AIG1: variants seen among roughly 807,000 people sequenced by gnomAD.
AIG1 encodes androgen induced 1.
In AIG1, 23 loss-of-function variants were observed where a neutral mutation model predicts 31.4. That is an observed-to-expected ratio of 0.73 (90% confidence interval 0.53 to 1.04). The LOEUF (loss-of-function observed/expected upper bound fraction) is 1.04, where lower values mean the gene tolerates loss of function less well. AIG1 is among the 50% of genes least tolerant of loss of function. The probability of loss-of-function intolerance (pLI) is 0.00; values close to 1 mark genes in which losing one functional copy is unlikely to be tolerated. For synonymous variants in AIG1, 100 were observed against 110.5 expected, an observed-to-expected ratio of 0.90 and a Z score of 0.60; for missense variants, 274 against 295.0, an observed-to-expected ratio of 0.93 and a Z score of 0.52.
chr6:143,187,373 T>A (rs777346331), intron 3 of AIG1: 1 of 1,527,260 alleles, frequency 6.5e-7, no homozygotes, highest in African/African-American at 1.4e-5. Flanking sequence ...TCTCATTTAT[T>A]TGTTTAATTT....
chr6:143,279,390 G>A lies in AIG1; in HGVS notation c.400-4720G>A, dbSNP rs961530907. ...AACCTGCGGGTCTGAGAGTGAGGAA[G>A]GACAAAATCAGAACTAGATCTCAGA... On this transcript the variant is annotated intron_variant, in intron 3 of 5. Coordinates refer to ENST00000357847, the MANE Select transcript of AIG1 (RefSeq NM_016108.4). This position sits in a 1 kb window ranked among gnomAD's most constrained non-coding sequence, Gnocchi z 5.4. Among the ~76,000 whole-genome samples the A allele has an allele frequency of 6.6e-6, 1 of 152,174 alleles. No homozygotes were observed. The highest frequency in any genetic ancestry group is 2.4e-5 in the African/African-American group (1 of 41,436).
At chr6:143,303,529 T>G (rs1340810253) in intron 4 of AIG1, among the ~76,000 whole-genome samples, 1 of 152,218 alleles carries the variant, frequency 6.6e-6, no homozygotes. Context: ...AAAGATTAGA[T>G]AGTTGTAGAT....
intron 1 of AIG1, among the ~76,000 whole-genome samples, chr6:143,079,452 T>C (rs1166634613): frequency 6.6e-6 from 1 of 152,172 alleles, no homozygotes; most frequent in Non-Finnish European, 1.5e-5. Flanking sequence ...TAGTTCCCAA[T>C]GCACCTGTCA....
At chr6:143,232,884 G>A (rs950844876) in intron 3 of AIG1, among the ~76,000 whole-genome samples, 6 of 152,162 alleles carry the variant, frequency 3.9e-5, no homozygotes, top group Non-Finnish European at 7.3e-5. Context: ...GTGGAAGGTG[G>A]TGCAAATGGA....
chr6:143,305,265 A>T (rs1799179213), intron 4 of AIG1, among the ~76,000 whole-genome samples: 1 of 152,076 alleles, frequency 6.6e-6, no homozygotes, highest in Non-Finnish European at 1.5e-5. Context: ...GCCTTCTGCT[A>T]GCTTTTGAAT....
intron 1 of AIG1, among the ~76,000 whole-genome samples, chr6:143,133,974 CT>C (rs1783499844): frequency 6.6e-6 from 1 of 151,988 alleles, no homozygotes; most frequent in African/African-American, 2.4e-5. Context: ...AGTAACTAGG[CT>C]TTTTGAGCTT....
intron 3 of AIG1, among the ~76,000 whole-genome samples, chr6:143,179,568 C>T (rs183325526): frequency 1.3e-5 from 2 of 152,132 alleles, no homozygotes; most frequent in Non-Finnish European, 1.5e-5. Context: ...ACAGGGCTTT[C>T]GTTTTTGATT....
At chr6:143,262,194 T>A (rs893619327) in intron 3 of AIG1, among the ~76,000 whole-genome samples, 8 of 152,230 alleles carry the variant, frequency 5.3e-5, no homozygotes, top group African/African-American at 1.9e-4. Context: ...AAACCACTTG[T>A]AAATTTAAAC....
intron 2 of AIG1, among the ~76,000 whole-genome samples, chr6:143,160,722 G>T (rs1786287929): frequency 6.6e-6 from 1 of 152,106 alleles, no homozygotes; most frequent in African/African-American, 2.4e-5. Flanking sequence ...GTTTGCTGAT[G>T]GCTATACTAT....
At chr6:143,245,977 A>G (rs1022100841) in intron 3 of AIG1, among the ~76,000 whole-genome samples, 1 of 152,180 alleles carries the variant, frequency 6.6e-6, no homozygotes, top group African/African-American at 2.4e-5. Context: ...TGGGCCGCAC[A>G]TAAAATACAC....
intron 1 of AIG1, among the ~76,000 whole-genome samples, chr6:143,064,066 A>G (rs1047237536): frequency 3.9e-5 from 6 of 152,236 alleles, no homozygotes; most frequent in African/African-American, 1.4e-4. Context: ...TGGAAAAAGA[A>G]CACTGTCTTG....
intron 1 of AIG1, among the ~76,000 whole-genome samples, chr6:143,098,260 A>G (rs911102092): frequency 9.2e-5 from 14 of 152,226 alleles, no homozygotes; most frequent in Non-Finnish European, 1.5e-4. Context: ...CACTGCGTCA[A>G]CACATACAGT....
At chr6:143,266,521 T>C (rs1211869566) in intron 3 of AIG1, among the ~76,000 whole-genome samples, 1 of 152,148 alleles carries the variant, frequency 6.6e-6, no homozygotes, top group Non-Finnish European at 1.5e-5. Flanking sequence ...ATGTGGGGTG[T>C]TGGATATATT....
Position 143,299,217 on chromosome 6 carries a change from G to A in AIG1, c.515+14992G>A, listed in dbSNP as rs1798655202. The A allele has an allele frequency of 6.6e-6, 1 of 152,202 alleles. No individual in the cohort carries two copies. The highest frequency in any genetic ancestry group is 1.5e-5 in the Non-Finnish European group (1 of 68,054). 9.4% of individuals were successfully genotyped at this position (152,202 alleles called of 1,614,324 possible). A position where few individuals can be genotyped will look rare whatever the true frequency, so the allele number is the denominator to read the frequency against. On this transcript the variant is annotated intron_variant, in intron 4 of 5. Coordinates refer to ENST00000357847, the MANE Select transcript of AIG1 (RefSeq NM_016108.4). This position sits in a 1 kb window ranked among gnomAD's most constrained non-coding sequence, Gnocchi z 4.1. Reference sequence around the variant, plus strand: ...GCTCCTGTTTGACATCCAGGACAGAGCAGTACCACTTCTCCTTAGCATCAT... The same window carrying A: ...GCTCCTGTTTGACATCCAGGACAGAACAGTACCACTTCTCCTTAGCATCAT...
rs1325153771 is a variant in AIG1 at position 143,340,776 on chromosome 6, A to T, written c.*1100A>T. Among the ~76,000 whole-genome samples the T allele has an allele frequency of 1.3e-5, 2 of 152,160 alleles. No homozygotes were observed. Among genetic ancestry groups the T allele is most frequent in the Non-Finnish European group, 2.9e-5 (2 of 68,030 alleles). ...CGCGCCCAGCCACAAAATTGTTTTT[A>T]AAAAAACTATTTTACAAAATCTTTG... On this transcript the variant is annotated 3_prime_UTR_variant, in exon 6 of 6. Coordinates refer to ENST00000357847, the MANE Select transcript of AIG1 (RefSeq NM_016108.4).
intron 3 of AIG1, among the ~76,000 whole-genome samples, chr6:143,249,016 G>A (rs1264029774): frequency 1.3e-5 from 2 of 152,178 alleles, no homozygotes; most frequent in Non-Finnish European, 2.9e-5. Context: ...GTTTGTAAGA[G>A]GGGCTGTTTG....
chr6:143,104,723 G>GTTC lies in AIG1; in HGVS notation c.142-32112_142-32111insTTC, dbSNP rs551232406. On this transcript the variant is annotated intron_variant, in intron 1 of 5. Transcript: ENST00000357847. ...AAGACCTGCCTGAGCAACACAGAAA[G>GTTC]CTTCATCTCTACAAAAATAAAAAAT... Among the ~76,000 whole-genome samples the GTTC allele has an allele frequency of 1.6e-3, 241 of 152,116 alleles. 1 individual carries two copies. The highest frequency in any genetic ancestry group is 2.7e-3 in the Non-Finnish European group (183 of 68,006).
Position 143,196,350 on chromosome 6 carries a change from AACACACACACACACACACACACACAC to A in AIG1, c.399+31188_399+31213del, listed in dbSNP as rs71784011. 5.9e-3 allele frequency among the ~76,000 whole-genome samples: 834 copies of A among 141,720 alleles called. 6 individuals carry two copies. The highest frequency in any genetic ancestry group is 0.025 in the South Asian group (109 of 4,338). 93.0% of individuals were successfully genotyped at this position (141,720 alleles called of 152,430 possible). On this transcript the variant is annotated intron_variant, in intron 3 of 5. Coordinates refer to ENST00000357847, the MANE Select transcript of AIG1 (RefSeq NM_016108.4). ...TCAGCACATCAAAAGCAACAAAAGC[AACACACACACACACACACACACACAC>A]ACACACACACACACACACACCCCAA...
intron 3 of AIG1, among the ~76,000 whole-genome samples, chr6:143,197,100 G>A (rs1302550702): frequency 6.6e-6 from 1 of 151,828 alleles, no homozygotes; most frequent in Non-Finnish European, 1.5e-5. Context: ...GGACATCATT[G>A]TTTAGGAAAA....
Sources: allele counts gnomAD v4.1 joint callset (sites outside exome capture counted in the v4.1 genomes callset), GRCh38; gene constraint gnomAD v4.1.1; non-coding constraint Gnocchi (gnomAD v3.1); transcripts MANE v1.5; gene names NCBI Gene and HGNC (gene_info 2026-07-23, HGNC 2026-07-21).